Variants in C2CD5 observed in about 807,000 individuals in gnomAD.
C2CD5 encodes the protein C2 calcium dependent domain containing 5.
C2CD5 carries 109 observed loss-of-function variants against 130.3 expected under a neutral mutation model. The observed-to-expected ratio is 0.84, with a 90% confidence interval of 0.72 to 0.98. The LOEUF is 0.98. C2CD5 is among the 50% of genes least tolerant of loss of function. The pLI is 0.00. For missense variants in C2CD5, 996 were observed against 1,261.8 expected, an observed-to-expected ratio of 0.79 and a Z score of 3.19; for synonymous variants, 454 against 429.2, an observed-to-expected ratio of 1.06 and a Z score of -0.71.
rs77750151 is a variant in C2CD5 at position 22,514,948 on chromosome 12, T to C, written c.953-1569A>G. The C allele has an allele frequency of 4.6e-5, 45 of 982,392 alleles. 2 individuals carry two copies. In the East Asian group the frequency reaches 4.9e-3, roughly 107 times the overall value. 60.9% of individuals were successfully genotyped at this position (982,392 alleles called of 1,614,324 possible). On this transcript the variant is annotated intron_variant, in intron 8 of 26. Transcript: ENST00000446597. ...TAAAGGGATTAAAAAGCTGACATAATGTGATCCTACCAGAAGCAGCCAGGA... is the reference window on the plus strand; with the variant it reads ...TAAAGGGATTAAAAAGCTGACATAACGTGATCCTACCAGAAGCAGCCAGGA...
Position 22,535,586 on chromosome 12 carries a change from T to G in C2CD5, c.91-242A>C, listed in dbSNP as rs541148345. Among the ~76,000 whole-genome samples, 304 of 152,110 alleles carry G rather than the reference T, an allele frequency of 2.0e-3. 3 individuals carry two copies. Among genetic ancestry groups the G allele is most frequent in the African/African-American group, 7.1e-3 (294 of 41,496 alleles). ...GCTCCACACATCACAAAGAACTAACTTCCTCCGTTTCTAAAGAGCATATAG... is the reference window on the plus strand; with the variant it reads ...GCTCCACACATCACAAAGAACTAACGTCCTCCGTTTCTAAAGAGCATATAG... On this transcript the variant is annotated intron_variant, in intron 2 of 26. Coordinates refer to ENST00000446597, the MANE Select transcript of C2CD5 (RefSeq NM_001286176.2).
chr12:22,481,042 C>T (rs1372018060), intron 14 of C2CD5, among the ~76,000 whole-genome samples: 1 of 152,048 alleles, frequency 6.6e-6, no homozygotes, highest in African/African-American at 2.4e-5. Context: ...TGGGCTTGAA[C>T]GATCTGCCCA....
At chr12:22,520,915 A>C (rs980194369) in intron 7 of C2CD5, among the ~76,000 whole-genome samples, 1 of 152,260 alleles carries the variant, frequency 6.6e-6, no homozygotes, top group Admixed American at 6.5e-5. Context: ...ACAGTGTAAA[A>C]TGTTCAAACT....
intron 22 of C2CD5, among the ~76,000 whole-genome samples, chr12:22,468,186 GA>G (rs1591971425): frequency 6.8e-6 from 1 of 147,570 alleles, no homozygotes; most frequent in African/African-American, 2.5e-5. Flanking sequence ...AGATGTTAAA[GA>G]AAAAAAAACT....
intron 4 of C2CD5, among the ~76,000 whole-genome samples, chr12:22,526,724 G>T (rs1950755099): frequency 6.6e-6 from 1 of 151,988 alleles, no homozygotes; most frequent in African/African-American, 2.4e-5. Flanking sequence ...AAAATTCCAA[G>T]AATAAGGGTT....
rs142327845 is a variant in C2CD5 at position 22,513,350 on chromosome 12, C to A, written c.982G>T (p.Gly328Trp). ...GMGSGSAGKE[G>W]GPFKALLRQQ... ...CTTAAAAGAGCTTTAAAGGGCCCCCCTTCTTTTCCAGCACTACCACTTCCC... is the reference window on the plus strand; with the variant it reads ...CTTAAAAGAGCTTTAAAGGGCCCCCATTCTTTTCCAGCACTACCACTTCCC... The change falls in exon 9 of 27, where the codon GGG (glycine) becomes TGG (tryptophan). Residue 328 changes from glycine to tryptophan, a missense_variant. Transcript: ENST00000446597. 3.2e-4 allele frequency: 521 copies of A among 1,612,324 alleles called. 1 individual carries two copies. Among genetic ancestry groups the A allele is most frequent in the South Asian group, 2.3e-3 (206 of 91,024 alleles).
At chr12:22,472,614 C>A (rs1943216702) in intron 17 of C2CD5, 130 bp downstream of exon 17, 2 of 725,324 alleles carry the variant, frequency 2.8e-6, no homozygotes, top group Admixed American at 2.3e-5. Context: ...CTTGGAGTAG[C>A]AAAGTACATG....
chr12:22,535,771 G>A (rs954657062), intron 2 of C2CD5, among the ~76,000 whole-genome samples: 4 of 152,128 alleles, frequency 2.6e-5, no homozygotes, highest in Non-Finnish European at 5.9e-5. Flanking sequence ...TACTTATCAG[G>A]CTGGCAAAGA....
intron 20 of C2CD5, among the ~76,000 whole-genome samples, 170 bp from the exon 21 acceptor site, chr12:22,471,081 C>G (rs1942945915): frequency 6.6e-6 from 1 of 151,812 alleles, no homozygotes; most frequent in South Asian, 2.1e-4. Context: ...ACAACTATAC[C>G]AAACAGTTAT....
chr12:22,467,965 G>T (rs567393536), intron 22 of C2CD5, among the ~76,000 whole-genome samples: 2 of 151,992 alleles, frequency 1.3e-5, no homozygotes, highest in Admixed American at 6.6e-5. Flanking sequence ...AATTCAGTAG[G>T]TATTAACAAC....
In C2CD5 at chr12:22,448,789, GA is replaced by G. The variant is rs1309595525; in HGVS notation, c.*970del. The G allele has an allele frequency of 6.6e-6, 1 of 152,524 alleles. No homozygotes were observed. The highest frequency in any genetic ancestry group is 1.5e-5 in the Non-Finnish European group (1 of 67,992). The allele number at this position is 152,524 out of a possible 1,614,324, so 9.4% of individuals were successfully genotyped here. Reference sequence around the variant, plus strand: ...TTACAACGGGCATTTGGCGTCGACAGAAAAAGTCTTTCTATGTATACATTCA... The same window carrying G: ...TTACAACGGGCATTTGGCGTCGACAGAAAAGTCTTTCTATGTATACATTCA... On this transcript the variant is annotated 3_prime_UTR_variant, in exon 27 of 27. Transcript: ENST00000446597.
rs1170639567 is a variant in C2CD5 at position 22,484,837 on chromosome 12, AT to A, written c.1409del (p.Asp470ValfsTer3). 6.2e-7 allele frequency: 1 copy of A among 1,605,090 alleles called. No homozygotes were observed. The highest frequency in any genetic ancestry group is 2.2e-5 in the East Asian group (1 of 44,560). On this transcript the variant is annotated frameshift_variant, in exon 13 of 27. Transcript: ENST00000446597. LOFTEE classifies it high-confidence loss of function. Reference sequence around the variant, plus strand: ...GAGCTGGAAATGGCATATTCAGTTCATCATATGGTATATGACAAAATCCACA... The same window carrying A: ...GAGCTGGAAATGGCATATTCAGTTCACATATGGTATATGACAAAATCCACA... ...TRCGFCHIPY[D>X]ELNMPFPAHL...
At chr12:22,464,406 G>A (rs77047538) in intron 22 of C2CD5, among the ~76,000 whole-genome samples, 3,192 of 151,842 alleles carry the variant, frequency 0.021, 115 homozygotes, top group African/African-American at 0.069. Context: ...CAAATAATCC[G>A]TTTTCTGTCA....
chr12:22,494,295 G>A (rs1364650621), intron 10 of C2CD5, among the ~76,000 whole-genome samples: 1 of 151,968 alleles, frequency 6.6e-6, no homozygotes, highest in Non-Finnish European at 1.5e-5. Context: ...TAGATAGAAT[G>A]CTAAGCTCTC....
intron 3 of C2CD5, among the ~76,000 whole-genome samples, chr12:22,532,317 T>C (rs73265578): frequency 0.16 from 23,194 of 149,388 alleles, 3,639 homozygotes; most frequent in African/African-American, 0.41. Context: ...GCAACGGGAG[T>C]GAAACTCCGT....
At chr12:22,487,752 C>T (rs1246909572) in intron 12 of C2CD5, among the ~76,000 whole-genome samples, 2 of 151,924 alleles carry the variant, frequency 1.3e-5, no homozygotes, top group Non-Finnish European at 2.9e-5. Flanking sequence ...CACATGCACA[C>T]GTATGTTTAT....
intron 10 of C2CD5, among the ~76,000 whole-genome samples, chr12:22,500,997 A>T (rs148119996): frequency 2.0e-5 from 3 of 152,304 alleles, no homozygotes; most frequent in South Asian, 4.1e-4. Context: ...ATGGCTAAAT[A>T]TTCTCAATTT....
chr12:22,528,022 TAAAGA>T (rs1389815411), intron 3 of C2CD5, 130 bp from the exon 4 acceptor site: 10 of 476,402 alleles, frequency 2.1e-5, no homozygotes, highest in African/African-American at 6.0e-5. Flanking sequence ...AGCACCAAAG[TAAAGA>T]AAAGAATTAA....
chr12:22,497,632 T>G (rs1046233481), intron 10 of C2CD5: 2 of 957,880 alleles, frequency 2.1e-6, no homozygotes, highest in African/African-American at 3.5e-5. Context: ...TTTCCCCTAA[T>G]GAAAAAGAAA....
Sources: allele counts gnomAD v4.1 joint callset (sites outside exome capture counted in the v4.1 genomes callset), GRCh38; gene constraint gnomAD v4.1.1; transcripts MANE v1.5; gene names NCBI Gene and HGNC (gene_info 2026-07-23, HGNC 2026-07-21).